Variants in CENPE observed in about 807,000 individuals in gnomAD.
CENPE encodes the protein centromere-associated protein E.
In CENPE, 145 loss-of-function variants were observed where a neutral mutation model predicts 336.1. The observed-to-expected ratio is 0.43, with a 90% CI of 0.38 to 0.50. CENPE has a LOEUF of 0.50. Ranked by LOEUF, CENPE falls within the 20% of genes least tolerant of loss-of-function variation. The pLI is 0.00. For missense variants in CENPE, 2,719 were observed against 3,023.3 expected (o/e 0.90, Z 2.36); for synonymous variants, 1,013 against 984.8 (o/e 1.03, Z -0.54).
At chr4:103,155,471 C>T (rs1358919115) in intron 24 of CENPE, among the ~76,000 whole-genome samples, 2 of 152,024 alleles carry the variant, frequency 1.3e-5, no homozygotes, top group Admixed American at 1.3e-4. Context: ...GCTACCATGC[C>T]TGGCTAATTT....
intron 8 of CENPE, among the ~76,000 whole-genome samples, chr4:103,191,681 A>T (rs917224546): frequency 2.0e-5 from 3 of 151,826 alleles, no homozygotes; most frequent in Non-Finnish European, 2.9e-5. Flanking sequence ...GCATTAGGAG[A>T]TATACCTAAT....
At chr4:103,166,031 T>A (rs1319828811) in intron 16 of CENPE, among the ~76,000 whole-genome samples, 2 of 152,130 alleles carry the variant, frequency 1.3e-5, no homozygotes, top group African/African-American at 4.8e-5. Flanking sequence ...CTGTGTTGAC[T>A]CAATTCAATA....
At chr4:103,163,608 CA>C (rs11315612) in intron 16 of CENPE, 55 bp from the exon 17 acceptor site, 111,328 of 301,480 alleles carry the variant, frequency 0.37, 6,167 homozygotes, top group African/African-American at 0.47. Context: ...TAAAGCAAAG[CA>C]AAAAAAAAAA....
intron 40 of CENPE, among the ~76,000 whole-genome samples, chr4:103,135,138 T>C (rs1356308179): frequency 3.3e-5 from 5 of 152,240 alleles, no homozygotes; most frequent in Admixed American, 1.3e-4. Context: ...ATTTATCTTT[T>C]CCAGAGTTCT....
chr4:103,136,466 T>C (rs1373039320), intron 39 of CENPE, 107 bp from the exon 40 acceptor site: 1 of 722,066 alleles, frequency 1.4e-6, no homozygotes, highest in Non-Finnish European at 2.1e-6. Flanking sequence ...ACATTTTCTG[T>C]AGGAGAGAAA....
At position 103,158,675 on chromosome 4, in the gene CENPE, T is replaced by C; in HGVS notation, c.2813A>G (p.Gln938Arg). ...TQEKDDLKQL[Q>R]ESLQIERDQL... ...GTCCCTCTCAATTTGCAAGCTTTCT[T>C]GGAGTTGTTTTAGATCATCTTTTTC... Residue 938 changes from glutamine to arginine, a missense_variant, in exon 23 of 49, where the codon CAA becomes CGA. Gln to Arg is a conservative substitution (Grantham distance 43, BLOSUM62 1). Transcript: ENST00000265148. 2.5e-6 allele frequency: 4 copies of C among 1,611,716 alleles called. No homozygotes were observed. The highest frequency in any genetic ancestry group is 2.5e-6 in the Non-Finnish European group (3 of 1,179,140).
chr4:103,164,239 T>C (rs903457195), intron 16 of CENPE, among the ~76,000 whole-genome samples: 8 of 152,096 alleles, frequency 5.3e-5, no homozygotes, highest in Non-Finnish European at 8.8e-5. Context: ...AAAATATCTG[T>C]AGCATTAAAT....
At chr4:103,141,185 T>C in intron 35 of CENPE, 81 bp from the exon 36 acceptor site, 1 of 800,502 alleles carries the variant, frequency 1.2e-6, no homozygotes, top group Non-Finnish European at 1.9e-6. Flanking sequence ...TTAAGACAAC[T>C]GTCTACCCAT....
rs1322322149 is a variant in CENPE, at chr4:103,147,421, T to C, written c.4069A>G (p.Ile1357Val). 1 of 1,613,494 alleles carries C rather than the reference T, an allele frequency of 6.2e-7. No individual in the cohort carries two copies. The change falls in exon 29 of 49, where the codon ATA (isoleucine) becomes GTA (valine). Residue 1357 changes from isoleucine (I) to valine (V), a missense_variant. Physicochemically the swap from Ile to Val is conservative, Grantham distance 29 (BLOSUM62 3). Coordinates refer to ENST00000265148, the MANE Select transcript of CENPE (RefSeq NM_001813.3). ...TGTTTAACTTCAAGGGCTTCTTTTA[T>C]CGTTTTAAGGTTGTCTCTTTCCTTG... ...LTKERDNLKT[I>V]KEALEVKHDQ...
At chr4:103,112,244 T>C (rs1260347898) in intron 46 of CENPE, among the ~76,000 whole-genome samples, 2 of 147,900 alleles carry the variant, frequency 1.4e-5, no homozygotes, top group Non-Finnish European at 3.0e-5. Context: ...AAGTATTATA[T>C]ATAATATATA....
rs371616222 is a variant in CENPE, at chr4:103,161,059, A to T, written c.2131+27T>A. On this transcript the variant is annotated intron_variant, in intron 20 of 48. Coordinates refer to ENST00000265148, the MANE Select transcript of CENPE (RefSeq NM_001813.3). ...CATTTCTAGAAGAAGTCAGATTTGA[A>T]AAAAGATGTTTAAAATTACAAAATA... 38 of 1,542,308 alleles carry T rather than the reference A, an allele frequency of 2.5e-5. No homozygotes were observed. The African/African-American group carries it at 4.2e-4, about 17-fold the overall frequency.
chr4:103,147,093 T>G (rs1466026342), intron 29 of CENPE, among the ~76,000 whole-genome samples: 1 of 152,252 alleles, frequency 6.6e-6, no homozygotes, highest in Non-Finnish European at 1.5e-5. Flanking sequence ...CCCTTTCTTG[T>G]AATTTAGAAT....
At chr4:103,135,583 G>A (rs1413317472) in intron 40 of CENPE, among the ~76,000 whole-genome samples, 1 of 152,106 alleles carries the variant, frequency 6.6e-6, no homozygotes, top group African/African-American at 2.4e-5. Context: ...TAGTAGTACA[G>A]TCACATATAA....
rs772048846 is a variant in CENPE, at chr4:103,176,001, T to G, written c.1438A>C (p.Ser480Arg). 1 of 1,607,734 alleles carries G rather than the reference T, an allele frequency of 6.2e-7. No individual in the cohort carries two copies. Among genetic ancestry groups the G allele is most frequent in the South Asian group, 1.1e-5 (1 of 89,966 alleles). ...GTTGCTGGATTCCATTCTATCTCAC[T>G]TAATGTATCAAGAGTGTTACTGAAA... ...DVFSNTLDTLSEIEWNPATKL... is the reference protein window; with the variant it reads ...DVFSNTLDTLREIEWNPATKL... Residue 480 changes from serine (S) to arginine (R), a missense_variant, in exon 15 of 49, where the codon AGT becomes CGT. Ser to Arg is a moderately radical substitution (Grantham distance 110, BLOSUM62 -1). Coordinates refer to ENST00000265148, the MANE Select transcript of CENPE (RefSeq NM_001813.3).
intron 42 of CENPE, among the ~76,000 whole-genome samples, chr4:103,125,703 A>AG (rs996057526): frequency 5.3e-5 from 8 of 151,732 alleles, no homozygotes; most frequent in Non-Finnish European, 8.8e-5. Context: ...CTCTACTAAA[A>AG]AAAATACAAA....
Position 103,177,006 on chromosome 4 carries a change from A to T in CENPE, c.1283T>A (p.Ile428Asn), listed in dbSNP as rs527884786. The T allele has an allele frequency of 1.3e-5, 21 of 1,608,310 alleles. No individual in the cohort carries two copies. In the East Asian group the frequency reaches 4.0e-4, roughly 31 times the overall value. Residue 428 changes from isoleucine (I) to asparagine (N), a missense_variant, in exon 14 of 49, where the codon ATT becomes AAT. Ile to Asn is a moderately radical substitution (Grantham distance 149). This residue lies in a region of CENPE where 2,437 missense variants were observed against 2,513.3 expected (regional missense o/e 0.97). Coordinates refer to ENST00000265148, the MANE Select transcript of CENPE (RefSeq NM_001813.3). ...ATAGTTTGAGTTCTTCATTTTGTTA[A>T]TTTTGCCAAGGCACCAAGTAACTCT... ...KRRVTWCLGK[I>N]NKMKNSNYAD...
In CENPE at chr4:103,145,113, T is replaced by C; in HGVS notation, c.4794A>G (p.Val1598=). Residue 1598 remains valine (V), a synonymous_variant, in exon 32 of 49, where the codon GTA becomes GTG. Transcript: ENST00000265148. ...MIKEKEEMKR[V]QEALQIERDQ... is the part of the protein sequence containing the mutation. ...CTCTCTCTATCTGAAGGGCCTCCTG[T>C]ACTCTTTTCATTTCCTCTTTTTCCT... 6.2e-7 allele frequency: 1 copy of C among 1,610,734 alleles called. No homozygotes were observed. The highest frequency in any genetic ancestry group is 8.5e-7 in the Non-Finnish European group (1 of 1,178,612).
chr4:103,119,688 G>T (rs921520432), intron 44 of CENPE, among the ~76,000 whole-genome samples: 1 of 152,152 alleles, frequency 6.6e-6, no homozygotes, highest in Non-Finnish European at 1.5e-5. Flanking sequence ...AGTGATTAAT[G>T]AGTGTGTGAT....
chr4:103,151,127 C>T (rs1473822120), intron 26 of CENPE, 92 bp downstream of exon 26: 2 of 1,137,490 alleles, frequency 1.8e-6, no homozygotes, highest in Non-Finnish European at 2.6e-6. Context: ...GAGGTATGTG[C>T]TATTTCTGGA....
Sources: allele counts gnomAD v4.1 joint callset (sites outside exome capture counted in the v4.1 genomes callset), GRCh38; gene constraint gnomAD v4.1.1; regional missense constraint gnomAD v4.1.1; transcripts MANE v1.5; gene names NCBI Gene and HGNC (gene_info 2026-07-23, HGNC 2026-07-21).